Variants in CNNM1 observed in about 807,000 individuals in gnomAD.
CNNM1 encodes metal transporter CNNM1.
In CNNM1, 44 loss-of-function variants were observed where a neutral mutation model predicts 78.8. The observed-to-expected ratio is 0.56, with a 90% CI of 0.44 to 0.72. The LOEUF (loss-of-function observed/expected upper bound fraction) is 0.72, where lower values mean the gene tolerates loss of function less well. CNNM1 is among the 30% of genes least tolerant of loss of function. The probability of loss-of-function intolerance (pLI) is 0.00; values close to 1 mark genes in which losing one functional copy is unlikely to be tolerated. For missense variants in CNNM1, 1,101 were observed against 1,292.2 expected (o/e 0.85, Z 2.27); for synonymous variants, 584 against 581.5 (o/e 1.00, Z -0.06).
chr10:99,330,125 G>C lies in CNNM1; in HGVS notation c.738G>C (p.Leu246=). ...SALFSGLRLS[L]LSLDPVELRV... The stretch of plus-strand genomic sequence containing the variant: ...TGTTCAGCGGCCTGCGCCTGAGCCT[G>C]CTGTCGCTGGACCCGGTGGAGTTAC... The change falls in exon 1 of 11, where the codon CTG becomes CTC. Residue 246 remains leucine, a synonymous_variant. Coordinates refer to ENST00000356713, the MANE Select transcript of CNNM1 (RefSeq NM_020348.3). 9 of 1,549,068 alleles carry C rather than the reference G, an allele frequency of 5.8e-6. No homozygotes were observed. The highest frequency in any genetic ancestry group is 7.8e-6 in the Non-Finnish European group (9 of 1,154,392).
intron 6 of CNNM1, among the ~76,000 whole-genome samples, chr10:99,369,147 A>G (rs576754678): frequency 1.6e-4 from 24 of 152,322 alleles, no homozygotes; most frequent in African/African-American, 5.3e-4. Flanking sequence ...TATATGTAAA[A>G]CTTTCAAAAC....
chr10:99,386,168 G>A (rs1001220732), intron 7 of CNNM1, among the ~76,000 whole-genome samples: 5 of 152,240 alleles, frequency 3.3e-5, no homozygotes, highest in South Asian at 4.1e-4. Flanking sequence ...ATCGAAGCCA[G>A]TTGTTAACAC....
In CNNM1 at chr10:99,340,815, TTTC is replaced by T. The variant is rs1240020891; in HGVS notation, c.1573+9858_1573+9860del. On this transcript the variant is annotated intron_variant, in intron 1 of 10. Transcript: ENST00000356713. ...TTCTTTCTTACTTTCTCTTTCTTTC[TTTC>T]TTTTCTTTTCTTTTCTTTCTCTTTC... Among the ~76,000 whole-genome samples the T allele has an allele frequency of 1.2e-3, 181 of 148,468 alleles. 1 individual carries two copies. The highest frequency in any genetic ancestry group is 4.3e-3 in the African/African-American group (171 of 39,598).
At position 99,365,269 on chromosome 10, in the gene CNNM1, T is replaced by C; in HGVS notation, c.2176+267T>C. The C allele has an allele frequency of 5.1e-6, 3 of 584,178 alleles. No individual in the cohort carries two copies. The Middle Eastern group carries it at 1.3e-3, about 248-fold the overall frequency. 36.2% of individuals were successfully genotyped at this position (584,178 alleles called of 1,614,324 possible). On this transcript the variant is annotated intron_variant, in intron 6 of 10. Coordinates refer to ENST00000356713, the MANE Select transcript of CNNM1 (RefSeq NM_020348.3). ...AGGGGTTGTGAGGGAAGGCACTGCT[T>C]ATTGCCACCTTCCAGTGAATGCAGG...
In CNNM1 at chr10:99,330,286, G is replaced by T; in HGVS notation, c.899G>T (p.Trp300Leu). The change falls in exon 1 of 11, where the codon TGG (tryptophan) becomes TTG (leucine). Residue 300 changes from tryptophan to leucine, a missense_variant. Physicochemically the swap from Trp to Leu is moderately conservative, Grantham distance 61 (BLOSUM62 -2). Around this residue, in one of 3 missense-constraint regions of CNNM1, gnomAD observed 476 missense variants for 484.5 expected, o/e 0.98. Coordinates refer to ENST00000356713, the MANE Select transcript of CNNM1 (RefSeq NM_020348.3). ...GGAGCCAACGCGGCCCTGGCTGGCT[G>T]GCTGTACACCTCGCTGCCGCCGGGC... The part of the protein sequence containing the change: ...QAGANAALAG[W>L]LYTSLPPGFG... 1 of 1,577,142 alleles carries T rather than the reference G, an allele frequency of 6.3e-7. No individual in the cohort carries two copies. The highest frequency in any genetic ancestry group is 1.2e-5 in the South Asian group (1 of 85,482).
chr10:99,380,072 G>A (rs1246249345), intron 7 of CNNM1, among the ~76,000 whole-genome samples: 6 of 147,522 alleles, frequency 4.1e-5, no homozygotes, highest in African/African-American at 1.5e-4. Context: ...TGACTAGGCT[G>A]GTCTTAAACT....
In CNNM1 at chr10:99,387,800, T is replaced by G. The variant is rs773845382; in HGVS notation, c.2341-20T>G. On this transcript the variant is annotated intron_variant, in intron 7 of 10. Transcript: ENST00000356713. ...GGTCTCTGCCTAGCTGCTCCTAAGCTCCTGCCCTCTTCCTTCCAGATCACA... is the reference window on the plus strand; with the variant it reads ...GGTCTCTGCCTAGCTGCTCCTAAGCGCCTGCCCTCTTCCTTCCAGATCACA... 21 of 1,569,918 alleles carry G rather than the reference T, an allele frequency of 1.3e-5. No individual in the cohort carries two copies. Among genetic ancestry groups the G allele is most frequent in the Non-Finnish European group, 1.8e-5 (21 of 1,157,514 alleles).
At chr10:99,372,848 T>C (rs1215170557) in intron 6 of CNNM1, among the ~76,000 whole-genome samples, 1 of 152,216 alleles carries the variant, frequency 6.6e-6, no homozygotes, top group Non-Finnish European at 1.5e-5. Flanking sequence ...AGGTTCTTTT[T>C]TCTTTTAAAA....
chr10:99,381,694 A>G (rs377509001), intron 7 of CNNM1, among the ~76,000 whole-genome samples: 12 of 151,402 alleles, frequency 7.9e-5, no homozygotes, highest in Non-Finnish European at 1.2e-4. Flanking sequence ...GTGAGCCGAG[A>G]TCGGCGCCAC....
chr10:99,381,363 G>A (rs1261009868), intron 7 of CNNM1, among the ~76,000 whole-genome samples: 6 of 149,006 alleles, frequency 4.0e-5, no homozygotes, highest in Non-Finnish European at 8.9e-5. Context: ...GTAGTGAGCC[G>A]AGGCCATTGC....
Position 99,377,076 on chromosome 10 carries a change from G to C in CNNM1, c.2198G>C (p.Cys733Ser), listed in dbSNP as rs772621987. Residue 733 changes from cysteine to serine, a missense_variant, in exon 7 of 11, where the codon TGC (cysteine) becomes TCC (serine). By Grantham distance (112) the Cys-to-Ser change is moderately radical. Coordinates refer to ENST00000356713, the MANE Select transcript of CNNM1 (RefSeq NM_020348.3). The stretch of plus-strand genomic sequence containing the variant: ...GCAGTAAACCGGTCCCCTTCTCGCT[G>C]CAGTGGGTTGAATCGCTCTGAGTCT... The part of the protein sequence containing the change: ...SVFLNRSPSR[C>S]SGLNRSESPN... 3 of 1,574,570 alleles carry C rather than the reference G, an allele frequency of 1.9e-6. No individual in the cohort carries two copies. The South Asian group carries it at 3.5e-5, about 18-fold the overall frequency.
Position 99,356,562 on chromosome 10 carries a change from C to CAGACAGACAGAAAGAAAGAAAAGAAA in CNNM1, c.1574-947_1574-946insCAGACAGAAAGAAAGAAAAGAAAAGA. On this transcript the variant is annotated intron_variant, in intron 1 of 10. Coordinates refer to ENST00000356713, the MANE Select transcript of CNNM1 (RefSeq NM_020348.3). ...AAAGACAGACAGACAGACAGACAGA[C>CAGACAGACAGAAAGAAAGAAAAGAAA]AGAAAGAAAGAAAGAAAGAAAGAAA... 5.5e-3 allele frequency among the ~76,000 whole-genome samples: 540 copies of CAGACAGACAGAAAGAAAGAAAAGAAA among 98,514 alleles called. 7 individuals carry two copies. Among genetic ancestry groups the CAGACAGACAGAAAGAAAGAAAAGAAA allele is most frequent in the Admixed American group, 8.0e-3 (75 of 9,326 alleles). The allele number at this position is 98,514 out of a possible 152,430, so 64.6% of individuals were successfully genotyped here.
intron 1 of CNNM1, among the ~76,000 whole-genome samples, chr10:99,340,566 A>G (rs1194830424): frequency 6.6e-6 from 1 of 152,168 alleles, no homozygotes; most frequent in Non-Finnish European, 1.5e-5. Flanking sequence ...TTTTCCTAGT[A>G]GTACTGTCAT....
intron 7 of CNNM1, among the ~76,000 whole-genome samples, chr10:99,383,509 T>C (rs899244445): frequency 7.9e-5 from 12 of 152,162 alleles, no homozygotes; most frequent in African/African-American, 2.9e-4. Context: ...CCTGACCTTG[T>C]GATCCGCCCG....
chr10:99,371,427 T>G (rs752734413), intron 6 of CNNM1, among the ~76,000 whole-genome samples: 9 of 152,140 alleles, frequency 5.9e-5, no homozygotes, highest in African/African-American at 9.7e-5. Context: ...CTCCTGGTGG[T>G]GGAGATAATT....
intron 7 of CNNM1, 149 bp from the exon 8 acceptor site, chr10:99,387,671 G>T: frequency 1.4e-6 from 1 of 693,292 alleles, no homozygotes; most frequent in Non-Finnish European, 2.4e-6. Flanking sequence ...CTGCTACAGC[G>T]TGGGTAAGGC....
At position 99,330,111 on chromosome 10, in the gene CNNM1, C is replaced by T. The variant is rs1351869915; in HGVS notation, c.724C>T (p.Leu242=). The T allele has an allele frequency of 6.4e-7, 1 of 1,550,444 alleles. No individual in the cohort carries two copies. Among genetic ancestry groups the T allele is most frequent in the Non-Finnish European group, 8.7e-7 (1 of 1,155,416 alleles). ...AGCCTTGTCGGCCCTGTTCAGCGGC[C>T]TGCGCCTGAGCCTGCTGTCGCTGGA... is the stretch of plus-strand genomic sequence containing the variant. ...LLALSALFSG[L]RLSLLSLDPV... is the part of the protein sequence containing the mutation. The change falls in exon 1 of 11, where the codon CTG becomes TTG. Residue 242 remains leucine, a synonymous_variant. Coordinates refer to ENST00000356713, the MANE Select transcript of CNNM1 (RefSeq NM_020348.3).
chr10:99,369,573 A>G (rs1164982348), intron 6 of CNNM1, among the ~76,000 whole-genome samples: 1 of 152,112 alleles, frequency 6.6e-6, no homozygotes, highest in African/African-American at 2.4e-5. Context: ...CCAATTTGCA[A>G]CCTCAGAAGT....
chr10:99,366,505 C>T (rs964149914), intron 6 of CNNM1, among the ~76,000 whole-genome samples: 13 of 151,862 alleles, frequency 8.6e-5, no homozygotes, highest in African/African-American at 2.7e-4. Context: ...TTGCTGTGGC[C>T]GGGCATGGTG....
Sources: allele counts gnomAD v4.1 joint callset (sites outside exome capture counted in the v4.1 genomes callset), GRCh38; gene constraint gnomAD v4.1.1; regional missense constraint gnomAD v4.1.1; transcripts MANE v1.5; gene names NCBI Gene and HGNC (gene_info 2026-07-23, HGNC 2026-07-21).